PTPN12: variants seen among roughly 807,000 people sequenced by gnomAD.
PTPN12 encodes tyrosine-protein phosphatase non-receptor type 12.
A neutral mutation model predicts 97.6 loss-of-function variants in PTPN12; 29 were observed. The ratio of observed to expected loss-of-function variants is 0.30; its 90% CI spans 0.22 to 0.41. PTPN12 has a LOEUF of 0.41. Ranked by LOEUF, PTPN12 falls within the 10% of genes least tolerant of loss-of-function variation. The pLI, the probability that PTPN12 is intolerant of heterozygous loss-of-function variation, is 1.00. For missense variants in PTPN12, 819 were observed against 926.0 expected, an observed-to-expected ratio of 0.88 and a Z score of 1.50; for synonymous variants, 327 against 300.4, an observed-to-expected ratio of 1.09 and a Z score of -0.91.
chr7:77,583,488 T>C (rs1654444034), intron 3 of PTPN12, 67 bp from the exon 4 acceptor site: 1 of 975,226 alleles, frequency 1.0e-6, no homozygotes. Context: ...TGAAACCTTA[T>C]ATTTTGGGTA....
chr7:77,612,218 C>T (rs1039442001), intron 11 of PTPN12, among the ~76,000 whole-genome samples: 1 of 152,100 alleles, frequency 6.6e-6, no homozygotes, highest in African/African-American at 2.4e-5. Context: ...AATCTAATAT[C>T]GGTCCATGAG....
At position 77,537,490 on chromosome 7, in the gene PTPN12, TGCCG is replaced by T. The variant is rs1329271853; in HGVS notation, c.-55_-52del. The T allele has an allele frequency of 1.5e-5, 15 of 1,016,944 alleles. No individual in the cohort carries two copies. The highest frequency in any genetic ancestry group is 2.7e-5 in the African/African-American group (1 of 36,460). The allele number at this position is 1,016,944 out of a possible 1,614,324, so 63.0% of individuals were successfully genotyped here. A position where few individuals can be genotyped will look rare whatever the true frequency, so the allele number is the denominator to read the frequency against. ...GCTGGGGAAGACGGAGCGGGCTCTG[TGCCG>T]GGCGGGCGGGCGGCGGGGGGGCCAG... On this transcript the variant is annotated 5_prime_UTR_variant, in exon 1 of 18. Transcript: ENST00000248594.
chr7:77,607,775 TAG>T (rs1788424793), intron 9 of PTPN12, among the ~76,000 whole-genome samples: 1 of 151,250 alleles, frequency 6.6e-6, no homozygotes, highest in African/African-American at 2.4e-5. Context: ...TTTTCCGAGA[TAG>T]AGTTTCACTC....
intron 9 of PTPN12, among the ~76,000 whole-genome samples, chr7:77,609,055 A>G (rs1261579189): frequency 6.6e-6 from 1 of 152,006 alleles, no homozygotes; most frequent in East Asian, 1.9e-4. Context: ...CCCCATTTCT[A>G]CTAAAAATAC....
chr7:77,571,020 A>C, intron 1 of PTPN12, 58 bp from the exon 2 acceptor site: 1 of 1,212,042 alleles, frequency 8.3e-7, no homozygotes, highest in Non-Finnish European at 1.1e-6. Context: ...GATTTCATTA[A>C]AAATTTGAAA....
chr7:77,589,662 A>G (rs1182206820), intron 5 of PTPN12, among the ~76,000 whole-genome samples: 1 of 152,166 alleles, frequency 6.6e-6, no homozygotes, highest in Non-Finnish European at 1.5e-5. Flanking sequence ...GTCAGTATTA[A>G]GTAATGTTGG....
intron 6 of PTPN12, among the ~76,000 whole-genome samples, chr7:77,597,236 G>A (rs1456753449): frequency 6.6e-6 from 1 of 152,098 alleles, no homozygotes; most frequent in East Asian, 1.9e-4. Flanking sequence ...CAATTCTACT[G>A]CCTCAACCTC....
At chr7:77,542,929 G>C (rs908593501) in intron 1 of PTPN12, among the ~76,000 whole-genome samples, 1 of 152,122 alleles carries the variant, frequency 6.6e-6, no homozygotes, top group Non-Finnish European at 1.5e-5. Flanking sequence ...GAGTGAATGA[G>C]CTTATTCCAA....
chr7:77,557,932 C>G (rs1417313619), intron 1 of PTPN12, among the ~76,000 whole-genome samples: 1 of 151,838 alleles, frequency 6.6e-6, no homozygotes, highest in Admixed American at 6.6e-5. Flanking sequence ...GAATAGCGGC[C>G]GGGCGTGGTG....
At chr7:77,579,630 C>T (rs1025473017) in intron 2 of PTPN12, among the ~76,000 whole-genome samples, 2 of 152,126 alleles carry the variant, frequency 1.3e-5, no homozygotes, top group Non-Finnish European at 1.5e-5. Flanking sequence ...TACAGTTTTT[C>T]TATAAATCTA....
intron 12 of PTPN12, among the ~76,000 whole-genome samples, chr7:77,619,145 A>T (rs936082129): frequency 6.6e-6 from 1 of 152,192 alleles, no homozygotes; most frequent in Non-Finnish European, 1.5e-5. Context: ...TCTGGGATCT[A>T]GGATTAATTT....
At chr7:77,625,472 G>GCGCTCTCT (rs1554326597) in intron 12 of PTPN12, among the ~76,000 whole-genome samples, 5 of 33,520 alleles carry the variant, frequency 1.5e-4, no homozygotes, top group Non-Finnish European at 2.5e-4. Flanking sequence ...CAGGCTGCTC[G>GCGCTCTCT]CTCTCTCTCT....
chr7:77,592,363 C>G (rs1202360242), intron 6 of PTPN12, 107 bp downstream of exon 6: 2 of 922,684 alleles, frequency 2.2e-6, no homozygotes, highest in Non-Finnish European at 3.2e-6. Flanking sequence ...ACGCCAAGGA[C>G]TCACAAACCT....
At chr7:77,625,528 TCACTCTCACTCG>T (rs1789135382) in intron 12 of PTPN12, among the ~76,000 whole-genome samples, 1 of 107,374 alleles carries the variant, frequency 9.3e-6, no homozygotes, top group Non-Finnish European at 1.9e-5. Context: ...TCTCTCACTC[TCACTCTCACTCG>T]CGCTCTCTCT....
chr7:77,629,969 T>C (rs1789342113), intron 13 of PTPN12, among the ~76,000 whole-genome samples: 1 of 149,166 alleles, frequency 6.7e-6, no homozygotes. Flanking sequence ...GAGTAAGATA[T>C]AGCTAAAAGC....
chr7:77,597,830 CTCTT>C lies in PTPN12; in HGVS notation c.493-10_493-7del, dbSNP rs753932880. On this transcript the variant is annotated splice_region_variant and splice_polypyrimidine_tract_variant and intron_variant, in intron 6 of 17. Coordinates refer to ENST00000248594, the MANE Select transcript of PTPN12 (RefSeq NM_002835.4). ...CGTTTTCACTGACTTAGAAATGTTT[CTCTT>C]TATTTAGGAGGATGAACAAGCAAGA... The C allele has an allele frequency of 1.9e-6, 3 of 1,601,794 alleles. No homozygotes were observed. The Admixed American group carries it at 5.2e-5, about 28-fold the overall frequency.
chr7:77,616,674 T>A (rs1788761003), intron 11 of PTPN12, among the ~76,000 whole-genome samples: 1 of 152,256 alleles, frequency 6.6e-6, no homozygotes, highest in African/African-American at 2.4e-5. Context: ...CTTTAATTTT[T>A]ATTTAACCTA....
At chr7:77,549,340 CAA>C (rs1306034250) in intron 1 of PTPN12, among the ~76,000 whole-genome samples, 4 of 152,124 alleles carry the variant, frequency 2.6e-5, no homozygotes, top group African/African-American at 4.8e-5. Context: ...GGAAAAAGCA[CAA>C]AGAGTCCTTG....
chr7:77,602,572 A>G (rs189702556), intron 8 of PTPN12, among the ~76,000 whole-genome samples: 32 of 152,148 alleles, frequency 2.1e-4, no homozygotes, highest in Admixed American at 1.0e-3. Context: ...GTAGACACCA[A>G]TTACACTACT....
Sources: allele counts gnomAD v4.1 joint callset (sites outside exome capture counted in the v4.1 genomes callset), GRCh38; gene constraint gnomAD v4.1.1; transcripts MANE v1.5; gene names NCBI Gene and HGNC (gene_info 2026-07-23, HGNC 2026-07-21).